Variants in PPFIA2 observed in about 807,000 individuals in gnomAD.
The protein encoded by PPFIA2 is liprin-alpha-2.
In PPFIA2, 46 loss-of-function variants were observed where a neutral mutation model predicts 175.5. The observed-to-expected ratio is 0.26, with a 90% confidence interval of 0.21 to 0.34. PPFIA2 has a LOEUF of 0.34. Ranked by LOEUF, PPFIA2 falls within the 10% of genes least tolerant of loss-of-function variation. The probability of loss-of-function intolerance (pLI) is 1.00; values close to 1 mark genes in which losing one functional copy is unlikely to be tolerated. For missense variants in PPFIA2, 1,179 were observed against 1,506.1 expected, an observed-to-expected ratio of 0.78 and a Z score of 3.60; for synonymous variants, 568 against 511.4, an observed-to-expected ratio of 1.11 and a Z score of -1.49.
At chr12:81,619,504 T>G (rs1200626302) in intron 4 of PPFIA2, among the ~76,000 whole-genome samples, 1 of 152,202 alleles carries the variant, frequency 6.6e-6, no homozygotes, top group Non-Finnish European at 1.5e-5. Flanking sequence ...TACTGCAAGA[T>G]AGTAAAAAAA....
intron 14 of PPFIA2, 98 bp downstream of exon 14, chr12:81,367,009 TA>T: frequency 7.9e-7 from 1 of 1,264,254 alleles, no homozygotes; most frequent in Non-Finnish European, 1.0e-6. Flanking sequence ...GATAGCATAC[TA>T]AAATTATTTT....
intron 4 of PPFIA2, among the ~76,000 whole-genome samples, chr12:81,619,920 G>A (rs925209845): frequency 2.6e-5 from 4 of 152,146 alleles, no homozygotes; most frequent in African/African-American, 9.7e-5. Flanking sequence ...AGCACTTTGG[G>A]AGGCCGAGGC....
chr12:81,623,436 T>A (rs1011803605), intron 4 of PPFIA2, among the ~76,000 whole-genome samples: 1 of 152,068 alleles, frequency 6.6e-6, no homozygotes, highest in African/African-American at 2.4e-5. Flanking sequence ...CCTAAAATGA[T>A]GTATCATTGG....
chr12:81,285,688 G>A lies in PPFIA2; in HGVS notation c.2926-1385C>T, dbSNP rs116033114. Among the ~76,000 whole-genome samples, 510 of 152,186 alleles carry A rather than the reference G, an allele frequency of 3.4e-3. 3 individuals are homozygous for A. The highest frequency in any genetic ancestry group is 0.012 in the African/African-American group (492 of 41,528). On this transcript the variant is annotated intron_variant, in intron 24 of 32. Transcript: ENST00000549396. ...TTCACATGTTTGTGGTAATGCTAGT[G>A]TAAACAAACCTATTGCACTGCCAGT...
chr12:81,272,720 T>C (rs771007294), intron 28 of PPFIA2, among the ~76,000 whole-genome samples: 4 of 152,148 alleles, frequency 2.6e-5, no homozygotes, highest in Non-Finnish European at 4.4e-5. Context: ...TCACATAATA[T>C]GATTGAAAAA....
At chr12:81,637,264 T>A (rs1317347229) in intron 4 of PPFIA2, among the ~76,000 whole-genome samples, 1 of 71,908 alleles carries the variant, frequency 1.4e-5, no homozygotes, top group Non-Finnish European at 3.3e-5. Context: ...TTTTTTTTTT[T>A]TTTTTTTTTT....
intron 4 of PPFIA2, among the ~76,000 whole-genome samples, chr12:81,599,223 T>C (rs1484777386): frequency 2.0e-5 from 3 of 151,964 alleles, no homozygotes; most frequent in Non-Finnish European, 4.4e-5. Flanking sequence ...TCTTTGTGAA[T>C]GTATCTAAGA....
intron 15 of PPFIA2, among the ~76,000 whole-genome samples, chr12:81,359,168 T>C (rs1345703237): frequency 6.6e-6 from 1 of 152,058 alleles, no homozygotes; most frequent in East Asian, 1.9e-4. Flanking sequence ...CTATTGAATT[T>C]GAGGCTCCTG....
At chr12:81,702,256 G>A (rs902361687) in intron 3 of PPFIA2, among the ~76,000 whole-genome samples, 1 of 152,120 alleles carries the variant, frequency 6.6e-6, no homozygotes, top group Non-Finnish European at 1.5e-5. Context: ...GTACACAAAT[G>A]TGTTGTAGCA....
intron 7 of PPFIA2, among the ~76,000 whole-genome samples, chr12:81,413,762 GA>G (rs1283409028): frequency 6.6e-6 from 1 of 151,784 alleles, no homozygotes; most frequent in Non-Finnish European, 1.5e-5. Flanking sequence ...TTTGTGGACA[GA>G]AAAATGGAAT....
chr12:81,324,755 A>C lies in PPFIA2; in HGVS notation c.2642+1022T>G, dbSNP rs188122495. Among the ~76,000 whole-genome samples, 393 of 152,072 alleles carry C rather than the reference A, an allele frequency of 2.6e-3. 1 individual carries two copies. The highest frequency in any genetic ancestry group is 8.7e-3 in the African/African-American group (362 of 41,524). ...GGCTGAGCATTTGATTGTATGGTAG[A>C]AATAATTATGTTCTCAAAGTCATTT... is the stretch of plus-strand genomic sequence containing the variant. On this transcript the variant is annotated intron_variant, in intron 22 of 32. Coordinates refer to ENST00000549396, the MANE Select transcript of PPFIA2 (RefSeq NM_003625.5).
intron 7 of PPFIA2, among the ~76,000 whole-genome samples, chr12:81,418,077 A>T (rs1282851897): frequency 1.3e-5 from 2 of 152,010 alleles, no homozygotes; most frequent in African/African-American, 4.8e-5. Context: ...CAACATCATT[A>T]TAAGTTATTA....
intron 4 of PPFIA2, among the ~76,000 whole-genome samples, chr12:81,591,595 G>A (rs1346870906): frequency 1.3e-5 from 2 of 152,096 alleles, no homozygotes; most frequent in Admixed American, 6.6e-5. Context: ...TAGGGACTTG[G>A]TGCCCTACGT....
intron 7 of PPFIA2, among the ~76,000 whole-genome samples, chr12:81,424,650 C>T (rs1049612100): frequency 6.6e-6 from 1 of 152,130 alleles, no homozygotes; most frequent in African/African-American, 2.4e-5. Context: ...ATGTCCTGGT[C>T]TCTTTTACAG....
At chr12:81,613,421 T>A (rs1380671063) in intron 4 of PPFIA2, among the ~76,000 whole-genome samples, 1 of 152,180 alleles carries the variant, frequency 6.6e-6, no homozygotes, top group Non-Finnish European at 1.5e-5. Flanking sequence ...TGTAGTGCAC[T>A]TTTGTTGTTA....
chr12:81,602,512 CTAGAA>C (rs969609662), intron 4 of PPFIA2, among the ~76,000 whole-genome samples: 12 of 151,880 alleles, frequency 7.9e-5, no homozygotes, highest in African/African-American at 2.4e-4. Flanking sequence ...TGCATATATA[CTAGAA>C]TAAAGATATA....
chr12:81,685,975 T>C (rs1424916598), intron 3 of PPFIA2, among the ~76,000 whole-genome samples: 1 of 151,984 alleles, frequency 6.6e-6, no homozygotes, highest in African/African-American at 2.4e-5. Context: ...ACTGGGTCTT[T>C]CAGAGTTTAA....
chr12:81,398,498 T>C (rs777677590), intron 8 of PPFIA2, among the ~76,000 whole-genome samples: 1 of 152,158 alleles, frequency 6.6e-6, no homozygotes, highest in Non-Finnish European at 1.5e-5. Context: ...TTTACTTACT[T>C]GTTACCTGTT....
At chr12:81,355,115 A>G (rs771744373) in intron 16 of PPFIA2, among the ~76,000 whole-genome samples, 1 of 152,184 alleles carries the variant, frequency 6.6e-6, no homozygotes, top group Non-Finnish European at 1.5e-5. Flanking sequence ...TAATACTTGA[A>G]AGCCAAAATT....
Sources: allele counts gnomAD v4.1 joint callset (sites outside exome capture counted in the v4.1 genomes callset), GRCh38; gene constraint gnomAD v4.1.1; transcripts MANE v1.5; gene names NCBI Gene and HGNC (gene_info 2026-07-23, HGNC 2026-07-21).